DCHS2: variants seen among roughly 807,000 people sequenced by gnomAD.
DCHS2 encodes protocadherin-23.
DCHS2 carries 142 observed loss-of-function variants against 182.4 expected under a neutral mutation model. The observed-to-expected ratio is 0.78, with a 90% CI of 0.68 to 0.89. The LOEUF (loss-of-function observed/expected upper bound fraction) is 0.89. DCHS2 is among the 40% of genes least tolerant of loss of function. DCHS2 has a pLI of 0.00. For missense variants in DCHS2, 4,319 were observed against 4,198.6 expected, an observed-to-expected ratio of 1.03 and a Z score of -0.79; for synonymous variants, 1,740 against 1,663.3, an observed-to-expected ratio of 1.05 and a Z score of -1.12.
intron 1 of DCHS2, among the ~76,000 whole-genome samples, chr4:154,469,120 C>A (rs1052708045): frequency 6.6e-6 from 1 of 151,942 alleles, no homozygotes; most frequent in Non-Finnish European, 1.5e-5. Flanking sequence ...CTTGTATATG[C>A]ACAGAGAAAC....
chr4:154,312,412 T>C (rs1173725091), intron 10 of DCHS2, among the ~76,000 whole-genome samples: 2 of 152,144 alleles, frequency 1.3e-5, no homozygotes, highest in Non-Finnish European at 2.9e-5. Flanking sequence ...GACCCAGCGC[T>C]GTGACTCACA....
intron 1 of DCHS2, among the ~76,000 whole-genome samples, chr4:154,405,865 T>C (rs1732379271): frequency 1.3e-5 from 2 of 152,246 alleles, no homozygotes; most frequent in African/African-American, 4.8e-5. Context: ...AAGTTTTTTT[T>C]ATTGTATGCT....
At chr4:154,434,058 C>T (rs551973982) in intron 1 of DCHS2, among the ~76,000 whole-genome samples, 4 of 152,264 alleles carry the variant, frequency 2.6e-5, no homozygotes, top group East Asian at 1.9e-4. Context: ...CATGGATAAA[C>T]GTCATGAAGT....
chr4:154,257,125 A>G (rs552323327), intron 15 of DCHS2, among the ~76,000 whole-genome samples: 43 of 152,260 alleles, frequency 2.8e-4, no homozygotes, highest in South Asian at 1.0e-3. Context: ...GCATACGCCC[A>G]TAGTCCCAGC....
In DCHS2 at chr4:154,235,057, C is replaced by T; in HGVS notation, c.9595G>A (p.Asp3199Asn). Residue 3199 changes from aspartate to asparagine, a missense_variant, in exon 20 of 20, where the codon GAC becomes AAC. Asp to Asn is a conservative substitution (Grantham distance 23). Transcript: ENST00000357232. ...KREAKESILA[D>N]VRKESVFISG... ...ATAAAGACAGACTCTTTTCTAACGT[C>T]AGCCAGGATGCTCTCTTTTGCCTCT... The T allele has an allele frequency of 6.2e-7, 1 of 1,613,992 alleles. No homozygotes were observed. Among genetic ancestry groups the T allele is most frequent in the Non-Finnish European group, 8.5e-7 (1 of 1,179,966 alleles).
chr4:154,374,042 C>T, intron 2 of DCHS2: 1 of 1,161,464 alleles, frequency 8.6e-7, no homozygotes, highest in African/African-American at 1.6e-5. Flanking sequence ...TATATAACCA[C>T]CTCTATATCT....
At chr4:154,260,860 C>A (rs1005062595) in intron 14 of DCHS2, among the ~76,000 whole-genome samples, 1 of 152,092 alleles carries the variant, frequency 6.6e-6, no homozygotes, top group African/African-American at 2.4e-5. Context: ...TACTTTTATG[C>A]CCTCATATAA....
At chr4:154,318,451 A>G (rs1735938632) in intron 9 of DCHS2, among the ~76,000 whole-genome samples, 1 of 152,058 alleles carries the variant, frequency 6.6e-6, no homozygotes, top group South Asian at 2.1e-4. Context: ...TGTAGATTAC[A>G]TGATCTTATA....
intron 1 of DCHS2, among the ~76,000 whole-genome samples, chr4:154,403,939 C>T (rs997163309): frequency 4.6e-5 from 7 of 152,078 alleles, no homozygotes; most frequent in Non-Finnish European, 8.8e-5. Context: ...TCCTCACTTT[C>T]ATTCCTGCTA....
chr4:154,260,920 CT>C (rs1732957668), intron 14 of DCHS2, among the ~76,000 whole-genome samples: 1 of 152,162 alleles, frequency 6.6e-6, no homozygotes. Flanking sequence ...ATGCCATACT[CT>C]AGTTTCCCCC....
chr4:154,311,519 G>A lies in DCHS2; in HGVS notation c.5260+4229C>T, dbSNP rs558870457. Among the ~76,000 whole-genome samples, 4 of 152,238 alleles carry A rather than the reference G, an allele frequency of 2.6e-5. No homozygotes were observed. In the South Asian group the frequency reaches 6.2e-4, roughly 24 times the overall value. ...CAAAGCACTAGTATTACAGGCATGA[G>A]CCACCGTGCCCAGCCAAGATTCTTG... On this transcript the variant is annotated intron_variant, in intron 10 of 19. Coordinates refer to ENST00000357232, the MANE Select transcript of DCHS2 (RefSeq NM_001358235.2).
intron 10 of DCHS2, among the ~76,000 whole-genome samples, chr4:154,307,397 GT>G (rs1275366340): frequency 2.0e-5 from 3 of 151,530 alleles, no homozygotes; most frequent in Non-Finnish European, 4.4e-5. Context: ...ACCTATGTGT[GT>G]ATGCACACCA....
chr4:154,362,188 T>C (rs775106041), intron 3 of DCHS2, among the ~76,000 whole-genome samples: 8 of 152,078 alleles, frequency 5.3e-5, no homozygotes, highest in South Asian at 2.1e-4. Context: ...TGGAAGAGAA[T>C]AGAAAAATCC....
At chr4:154,343,425 G>T in intron 3 of DCHS2, 3 of 1,335,388 alleles carry the variant, frequency 2.2e-6, no homozygotes, top group Non-Finnish European at 9.6e-7. Context: ...TTCATATAAG[G>T]CTGTTTCATC....
At chr4:154,435,395 GA>G (rs1733734738) in intron 1 of DCHS2, among the ~76,000 whole-genome samples, 1 of 152,130 alleles carries the variant, frequency 6.6e-6, no homozygotes, top group Non-Finnish European at 1.5e-5. Context: ...AGGAGATCGA[GA>G]CCATCCTGTG....
At chr4:154,408,453 T>G (rs996372132) in intron 1 of DCHS2, among the ~76,000 whole-genome samples, 1 of 152,226 alleles carries the variant, frequency 6.6e-6, no homozygotes, top group African/African-American at 2.4e-5. Context: ...GTACTGGCTT[T>G]TCCTAAAATA....
At chr4:154,353,399 A>T (rs986407715) in intron 3 of DCHS2, among the ~76,000 whole-genome samples, 2 of 152,178 alleles carry the variant, frequency 1.3e-5, no homozygotes, top group African/African-American at 4.8e-5. Flanking sequence ...CAAACACACA[A>T]AATACTCTAG....
chr4:154,461,639 T>C (rs1396012275), intron 1 of DCHS2, among the ~76,000 whole-genome samples: 2 of 152,188 alleles, frequency 1.3e-5, no homozygotes, highest in Non-Finnish European at 2.9e-5. Context: ...TAGAACATAT[T>C]TTTATAAACT....
At chr4:154,474,003 G>T (rs1735585273) in intron 1 of DCHS2, among the ~76,000 whole-genome samples, 1 of 152,152 alleles carries the variant, frequency 6.6e-6, no homozygotes, top group Non-Finnish European at 1.5e-5. Flanking sequence ...GATATTAAAG[G>T]TAAGTAGGTA....
Sources: allele counts gnomAD v4.1 joint callset (sites outside exome capture counted in the v4.1 genomes callset), GRCh38; gene constraint gnomAD v4.1.1; transcripts MANE v1.5; gene names NCBI Gene and HGNC (gene_info 2026-07-23, HGNC 2026-07-21).